The following MYO16 variants were observed in gnomAD, a reference collection of about 807,000 sequenced individuals.
The protein encoded by MYO16 is myosin XVI, also known as unconventional myosin-XVI.
A neutral mutation model predicts 205.3 loss-of-function variants in MYO16; 94 were observed. The observed-to-expected ratio is 0.46, with a 90% CI of 0.39 to 0.54. The LOEUF (loss-of-function observed/expected upper bound fraction) is 0.54. Among genes scored for constraint, MYO16 ranks in the 20% least tolerant of loss-of-function variants. MYO16 has a pLI of 0.00. For synonymous variants in MYO16, 988 were observed against 954.0 expected (o/e 1.04, Z -0.66); for missense variants, 2,315 against 2,387.5 (o/e 0.97, Z 0.63).
chr13:108,666,157 A>G lies in MYO16; in HGVS notation c.292+8A>G. 1 of 1,583,100 alleles carries G rather than the reference A, an allele frequency of 6.3e-7. No homozygotes were observed. The highest frequency in any genetic ancestry group is 8.6e-7 in the Non-Finnish European group (1 of 1,157,360). ...ACCACAATGACAAAGAAGGTACATG[A>G]TAAGAAAGAAGGACCCGTTTTCTGA... On this transcript the variant is annotated splice_region_variant and intron_variant, in intron 2 of 34. Coordinates refer to ENST00000457511, the MANE Select transcript of MYO16 (RefSeq NM_001198950.3).
intron 4 of MYO16, among the ~76,000 whole-genome samples, chr13:108,764,047 T>G (rs1453012895): frequency 6.6e-6 from 1 of 152,092 alleles, no homozygotes; most frequent in East Asian, 1.9e-4. Flanking sequence ...AGTTTTTTTG[T>G]GGAAATGGGA....
At chr13:109,085,056 C>T (rs892270128) in intron 27 of MYO16, among the ~76,000 whole-genome samples, 1 of 152,116 alleles carries the variant, frequency 6.6e-6, no homozygotes, top group African/African-American at 2.4e-5. Flanking sequence ...AAGTGCAGCA[C>T]TGAGGGAGCA....
rs747623411 is a variant in MYO16 at position 109,125,229 on chromosome 13, A to G, written c.3653A>G (p.Tyr1218Cys). The G allele has an allele frequency of 5.6e-6, 9 of 1,614,172 alleles. No homozygotes were observed. Among genetic ancestry groups the G allele is most frequent in the Non-Finnish European group, 6.8e-6 (8 of 1,180,030 alleles). The change falls in exon 30 of 35, where the codon TAC becomes TGC. Residue 1218 changes from tyrosine (Y) to cysteine (C), a missense_variant. Physicochemically the swap from Tyr to Cys is radical, Grantham distance 194. Around this residue, in one of 3 missense-constraint regions of MYO16, gnomAD observed 1,097 missense variants for 1,092.0 expected, o/e 1.00. Coordinates refer to ENST00000457511, the MANE Select transcript of MYO16 (RefSeq NM_001198950.3). This position sits in a 1 kb window ranked among gnomAD's most constrained non-coding sequence, Gnocchi z 4.0. ...ACAGAGGACATGGGGCTGAAAACCT[A>G]CGATGCCCTGGTCATTCAGAATGCT... ...QNTEDMGLKT[Y>C]DALVIQNASD... is the part of the protein sequence containing the mutation.
At chr13:108,530,553 G>C in the MYO16 span, among the ~76,000 whole-genome samples, 1 of 152,178 alleles carries the variant, frequency 6.6e-6, no homozygotes. Flanking sequence ...TTAATTCCAT[G>C]TGATTATTTG....
At chr13:108,522,905 A>T in the MYO16 span, among the ~76,000 whole-genome samples, 1 of 152,172 alleles carries the variant, frequency 6.6e-6, no homozygotes, top group Non-Finnish European at 1.5e-5. Context: ...ATAATTCCAA[A>T]TAGGGTCATA....
chr13:108,550,864 G>A, the MYO16 span, among the ~76,000 whole-genome samples: 1 of 152,092 alleles, frequency 6.6e-6, no homozygotes, highest in Non-Finnish European at 1.5e-5. Context: ...CTCCTTGACA[G>A]TGTGTCTTAA....
At chr13:108,851,964 A>C (rs1296623422) in intron 10 of MYO16, among the ~76,000 whole-genome samples, 1 of 152,012 alleles carries the variant, frequency 6.6e-6, no homozygotes, top group Non-Finnish European at 1.5e-5. Context: ...ACGCCAGGGC[A>C]TGTTCTAGGG....
chr13:108,888,318 A>T (rs1314500755), intron 13 of MYO16, 54 bp from the exon 14 acceptor site: 2 of 1,271,592 alleles, frequency 1.6e-6, no homozygotes, highest in Admixed American at 2.4e-5. Context: ...CAAAGGAACA[A>T]GCTTTGAAGC....
intron 31 of MYO16, among the ~76,000 whole-genome samples, chr13:109,130,251 A>G (rs1876469361): frequency 6.6e-6 from 1 of 152,214 alleles, no homozygotes; most frequent in South Asian, 2.1e-4. Context: ...ATGTGACTAT[A>G]AGGTACTTAG....
At chr13:108,642,590 G>T (rs1880554687) in intron 1 of MYO16, among the ~76,000 whole-genome samples, 1 of 152,018 alleles carries the variant, frequency 6.6e-6, no homozygotes, top group African/African-American at 2.4e-5. Flanking sequence ...GCTAATTTTT[G>T]TATTTTTAGT....
intron 23 of MYO16, among the ~76,000 whole-genome samples, chr13:109,043,392 T>G (rs1886940802): frequency 6.6e-6 from 1 of 152,240 alleles, no homozygotes; most frequent in East Asian, 1.9e-4. Flanking sequence ...GGTCCAGTTG[T>G]GCGTGTGTGT....
At chr13:109,176,205 C>T (rs1039016325) in intron 33 of MYO16, among the ~76,000 whole-genome samples, 2 of 151,978 alleles carry the variant, frequency 1.3e-5, no homozygotes, top group Admixed American at 1.3e-4. Context: ...AGTCTCATAT[C>T]CATTACTTGG....
intron 34 of MYO16, among the ~76,000 whole-genome samples, chr13:109,181,283 C>A (rs1046379814): frequency 1.3e-5 from 2 of 152,240 alleles, no homozygotes; most frequent in African/African-American, 4.8e-5. Flanking sequence ...TGCTTATTTT[C>A]TTCCATGCAA....
At chr13:108,838,958 A>G (rs1205918858) in intron 9 of MYO16, among the ~76,000 whole-genome samples, 2 of 152,132 alleles carry the variant, frequency 1.3e-5, no homozygotes, top group East Asian at 1.9e-4. Context: ...TTATCATTTG[A>G]TGGTATTTGT....
intron 16 of MYO16, among the ~76,000 whole-genome samples, chr13:108,946,765 A>G (rs1444041796): frequency 2.6e-5 from 4 of 151,932 alleles, no homozygotes; most frequent in East Asian, 1.9e-4. Context: ...TTATTGAGAT[A>G]TAGTCTCGCT....
At chr13:108,965,890 A>G (rs1883776322) in intron 20 of MYO16, among the ~76,000 whole-genome samples, 2 of 152,220 alleles carry the variant, frequency 1.3e-5, no homozygotes, top group Admixed American at 1.3e-4. Context: ...ATGAAACCTG[A>G]GAATTTCTTA....
In MYO16 at chr13:108,972,681, G is replaced by C. The variant is rs78885660; in HGVS notation, c.2369+7779G>C. ...TGACTTGTAGTAAGCGAGGATCATC[G>C]ATTTGCATTGCTCAACTGCCACTCT... On this transcript the variant is annotated intron_variant, in intron 20 of 34. Transcript: ENST00000457511. Among the ~76,000 whole-genome samples the C allele has an allele frequency of 2.4e-4, 37 of 151,540 alleles. 1 individual carries two copies. In the East Asian group the frequency reaches 7.1e-3, roughly 29 times the overall value.
intron 16 of MYO16, among the ~76,000 whole-genome samples, chr13:108,949,909 A>G (rs368663516): frequency 2.0e-5 from 3 of 152,144 alleles, no homozygotes; most frequent in South Asian, 4.1e-4. Context: ...TTTTTGATGA[A>G]CATACAAAAC....
At chr13:108,885,011 T>G (rs1034780820) in intron 13 of MYO16, among the ~76,000 whole-genome samples, 4 of 138,654 alleles carry the variant, frequency 2.9e-5, no homozygotes, top group African/African-American at 1.1e-4. Flanking sequence ...AGAAAGACGC[T>G]GAGACGGGCT....
Sources: gnomAD v4.1 joint callset for allele counts (sites outside exome capture counted in the v4.1 genomes callset) on GRCh38, gnomAD v4.1.1 for gene constraint, gnomAD v4.1.1 regional missense constraint, Gnocchi (gnomAD v3.1) non-coding constraint, MANE v1.5 for transcripts, NCBI Gene and HGNC (gene_info 2026-07-23, HGNC 2026-07-21) for gene names.